The following EN2 variants were observed in gnomAD, a reference collection of about 807,000 sequenced individuals.
The protein encoded by EN2 is engrailed homeobox 2.
A neutral mutation model predicts 25.0 loss-of-function variants in EN2; 7 were observed. The observed-to-expected ratio is 0.28, with a 90% CI of 0.16 to 0.53. The LOEUF (loss-of-function observed/expected upper bound fraction) is 0.53, where lower values mean the gene tolerates loss of function less well. Ranked by LOEUF, EN2 falls within the 20% of genes least tolerant of loss-of-function variation. The pLI, the probability that EN2 is intolerant of heterozygous loss-of-function variation, is 0.96. For synonymous variants in EN2, 277 were observed against 243.3 expected, an observed-to-expected ratio of 1.14 and a Z score of -1.29; for missense variants, 524 against 501.8, an observed-to-expected ratio of 1.04 and a Z score of -0.42.
rs1795665338 is a variant in EN2, at chr7:155,459,074, G to A, written c.685+12G>A. On this transcript the variant is annotated intron_variant, in intron 1 of 1. Coordinates refer to ENST00000297375, the MANE Select transcript of EN2 (RefSeq NM_001427.4). ...CCGGCCTTCTTCAGGTGAGCCCGCG[G>A]GGACCACGCGTCCCGGCTCGCCGCG... 2 of 1,565,558 alleles carry A rather than the reference G, an allele frequency of 1.3e-6. No individual in the cohort carries two copies. Among genetic ancestry groups the A allele is most frequent in the African/African-American group, 1.4e-5 (1 of 71,724 alleles).
chr7:155,462,674 C>T lies in EN2; in HGVS notation c.989C>T (p.Ser330Leu), dbSNP rs367924841. Residue 330 changes from serine to leucine, a missense_variant, in exon 2 of 2, where the codon TCG becomes TTG. Physicochemically the swap from Ser to Leu is moderately radical, Grantham distance 145 (BLOSUM62 -2). Transcript: ENST00000297375. ...NHSTTAKEGK[S>L]DSE ...TCCACCACAGCCAAGGAGGGCAAGT[C>T]GGACAGCGAGTAGGGCGGGGGGCAT... 2.0e-5 allele frequency: 32 copies of T among 1,585,954 alleles called. No homozygotes were observed. The highest frequency in any genetic ancestry group is 1.9e-4 in the South Asian group (17 of 88,610).
At chr7:155,461,979 C>T (rs1795701329) in intron 1 of EN2, among the ~76,000 whole-genome samples, 1 of 152,224 alleles carries the variant, frequency 6.6e-6, no homozygotes, top group African/African-American at 2.4e-5. Context: ...GTCTTCTCTC[C>T]TCCCCTCTCT....
At position 155,458,525 on chromosome 7, in the gene EN2, C is replaced by G. The variant is rs377588499; in HGVS notation, c.148C>G (p.Leu50Val). 80 of 1,357,838 alleles carry G rather than the reference C, an allele frequency of 5.9e-5. No homozygotes were observed. In the African/African-American group the frequency reaches 1.2e-3, roughly 20 times the overall value. The allele number at this position is 1,357,838 out of a possible 1,614,324, so 84.1% of individuals were successfully genotyped here. The change falls in exon 1 of 2, where the codon CTG (leucine) becomes GTG (valine). Residue 50 changes from leucine (L) to valine (V), a missense_variant. By Grantham distance (32) the Leu-to-Val change is conservative. Transcript: ENST00000297375. ...CACCGGGCGCCGGCGGGCTCTGATG[C>G]TGCCCGCGGTCCTGCAGGCGCCCGG... ...ADTGRRRALM[L>V]PAVLQAPGNH...
rs773386776 is a variant in EN2 at position 155,458,496 on chromosome 7, C to A, written c.119C>A (p.Ala40Glu). 6 of 1,314,510 alleles carry A rather than the reference C, an allele frequency of 4.6e-6. No individual in the cohort carries two copies. Among genetic ancestry groups the A allele is most frequent in the African/African-American group, 3.1e-5 (2 of 64,650 alleles). 81.4% of individuals were successfully genotyped at this position (1,314,510 alleles called of 1,614,324 possible). A position where few individuals can be genotyped will look rare whatever the true frequency, so the allele number is the denominator to read the frequency against. The change falls in exon 1 of 2, where the codon GCG becomes GAG. Residue 40 changes from alanine (A) to glutamate (E), a missense_variant. Physicochemically the swap from Ala to Glu is moderately radical, Grantham distance 107. Coordinates refer to ENST00000297375, the MANE Select transcript of EN2 (RefSeq NM_001427.4). Reference sequence around the variant, plus strand: ...GGCGGCGGTAGCAGCCCGGGCGAAGCGGACACCGGGCGCCGGCGGGCTCTG... The same window carrying A: ...GGCGGCGGTAGCAGCCCGGGCGAAGAGGACACCGGGCGCCGGCGGGCTCTG... ...GGGGGSSPGEADTGRRRALML... is the reference protein window; with the variant it reads ...GGGGGSSPGEEDTGRRRALML...
Position 155,458,658 on chromosome 7 carries a change from G to T in EN2, c.281G>T (p.Gly94Val). 7.2e-7 allele frequency: 1 copy of T among 1,392,338 alleles called. No individual in the cohort carries two copies. The allele number at this position is 1,392,338 out of a possible 1,614,324, so 86.2% of individuals were successfully genotyped here. A position where few individuals can be genotyped will look rare whatever the true frequency, so the allele number is the denominator to read the frequency against. The stretch of plus-strand genomic sequence containing the variant: ...GGGACCTGCTGTGCGGGCGCGGGAG[G>T]AGGAAGGGGCGGCGGAGCCGGCGGC... ...DAGTCCAGAG[G>V]GRGGGAGGEG... Residue 94 changes from glycine (G) to valine (V), a missense_variant, in exon 1 of 2, where the codon GGA becomes GTA. By Grantham distance (109) the Gly-to-Val change is moderately radical. Transcript: ENST00000297375.
In EN2 at chr7:155,464,009, C is replaced by T. The variant is rs1206998129; in HGVS notation, c.*1322C>T. 7.6e-6 allele frequency: 1 copy of T among 132,386 alleles called. No individual in the cohort carries two copies. The highest frequency in any genetic ancestry group is 1.7e-5 in the Non-Finnish European group (1 of 57,444). The allele number at this position is 132,386 out of a possible 1,614,324, so 8.2% of individuals were successfully genotyped here. On this transcript the variant is annotated 3_prime_UTR_variant, in exon 2 of 2. Transcript: ENST00000297375. ...GCATGCATGTGAACACACACACACA[C>T]ACACACACACCAGGCGTGTTTGAGT...
Position 155,458,538 on chromosome 7 carries a change from T to C in EN2, c.161T>C (p.Leu54Pro). 1 of 1,405,366 alleles carries C rather than the reference T, an allele frequency of 7.1e-7. No homozygotes were observed. Among genetic ancestry groups the C allele is most frequent in the Non-Finnish European group, 9.3e-7 (1 of 1,074,772 alleles). The allele number at this position is 1,405,366 out of a possible 1,614,324, so 87.1% of individuals were successfully genotyped here. A position where few individuals can be genotyped will look rare whatever the true frequency, so the allele number is the denominator to read the frequency against. The change falls in exon 1 of 2, where the codon CTG becomes CCG. Residue 54 changes from leucine (L) to proline (P), a missense_variant. Physicochemically the swap from Leu to Pro is moderately conservative, Grantham distance 98 (BLOSUM62 -3). Coordinates refer to ENST00000297375, the MANE Select transcript of EN2 (RefSeq NM_001427.4). ...RRRALMLPAV[L>P]QAPGNHQHPH... ...CGGGCTCTGATGCTGCCCGCGGTCC[T>C]GCAGGCGCCCGGCAACCACCAGCAC...
chr7:155,462,306 C>T (rs566724574), intron 1 of EN2, 65 bp from the exon 2 acceptor site: 71 of 1,518,988 alleles, frequency 4.7e-5, no homozygotes, highest in Middle Eastern at 3.5e-4. Flanking sequence ...AATCCTTACC[C>T]GGTGCCTATT....
Position 155,458,904 on chromosome 7 carries a change from C to T in EN2, c.527C>T (p.Pro176Leu). The T allele has an allele frequency of 1.3e-6, 2 of 1,511,744 alleles. No individual in the cohort carries two copies. Among genetic ancestry groups the T allele is most frequent in the Non-Finnish European group, 1.8e-6 (2 of 1,137,600 alleles). The allele number at this position is 1,511,744 out of a possible 1,614,324, so 93.6% of individuals were successfully genotyped here. The change falls in exon 1 of 2, where the codon CCC becomes CTC. Residue 176 changes from proline to leucine, a missense_variant. Transcript: ENST00000297375. Reference protein sequence around the residue: ...GAKKGGDPGGPLDGSLKARGL... With the variant: ...GAKKGGDPGGLLDGSLKARGL... Reference sequence around the variant, plus strand: ...AAGAAAGGCGGCGACCCCGGCGGCCCCCTGGACGGGTCGCTCAAGGCCCGC... The same window carrying T: ...AAGAAAGGCGGCGACCCCGGCGGCCTCCTGGACGGGTCGCTCAAGGCCCGC...
In EN2 at chr7:155,462,832, A is replaced by C. The variant is rs1795712591; in HGVS notation, c.*145A>C. 9.7e-7 allele frequency: 1 copy of C among 1,032,342 alleles called. No homozygotes were observed. Among genetic ancestry groups the C allele is most frequent in the Admixed American group, 3.4e-5 (1 of 29,532 alleles). 63.9% of individuals were successfully genotyped at this position (1,032,342 alleles called of 1,614,324 possible). On this transcript the variant is annotated 3_prime_UTR_variant, in exon 2 of 2. Transcript: ENST00000297375. ...TAAGGTTCTGAAATATTCTATGTAT[A>C]TATCATTTACAGGTGGTATAAAATC...
At position 155,462,800 on chromosome 7, in the gene EN2, T is replaced by A; in HGVS notation, c.*113T>A. On this transcript the variant is annotated 3_prime_UTR_variant, in exon 2 of 2. Coordinates refer to ENST00000297375, the MANE Select transcript of EN2 (RefSeq NM_001427.4). The stretch of plus-strand genomic sequence containing the variant: ...CAGCATTAATAGTGAAAATATTGTG[T>A]ATTAGCTAAGGTTCTGAAATATTCT... 7.9e-7 allele frequency: 1 copy of A among 1,261,010 alleles called. No homozygotes were observed. Among genetic ancestry groups the A allele is most frequent in the South Asian group, 1.6e-5 (1 of 61,010 alleles). 78.1% of individuals were successfully genotyped at this position (1,261,010 alleles called of 1,614,324 possible).
intron 1 of EN2, among the ~76,000 whole-genome samples, chr7:155,462,146 C>T (rs545335113): frequency 6.6e-6 from 1 of 152,314 alleles, no homozygotes; most frequent in East Asian, 1.9e-4. Context: ...CTAGGCCTGC[C>T]CCATAGTCCC....
Position 155,462,410 on chromosome 7 carries a change from A to G in EN2, c.725A>G (p.Lys242Arg). 1 of 1,613,078 alleles carries G rather than the reference A, an allele frequency of 6.2e-7. No individual in the cohort carries two copies. Among genetic ancestry groups the G allele is most frequent in the Non-Finnish European group, 8.5e-7 (1 of 1,179,820 alleles). ...SRKPKKKNPN[K>R]EDKRPRTAFT... ...AAACCAAAGAAGAAGAACCCGAACA[A>G]AGAGGACAAGCGGCCGCGCACGGCC... is the stretch of plus-strand genomic sequence containing the variant. The change falls in exon 2 of 2, where the codon AAA becomes AGA. Residue 242 changes from lysine to arginine, a missense_variant. Transcript: ENST00000297375.
Position 155,459,170 on chromosome 7 carries a change from C to T in EN2, c.685+108C>T, listed in dbSNP as rs532331954. 4.2e-6 allele frequency: 5 copies of T among 1,185,352 alleles called. No individual in the cohort carries two copies. The South Asian group carries it at 6.4e-5, about 15-fold the overall frequency. 73.4% of individuals were successfully genotyped at this position (1,185,352 alleles called of 1,614,324 possible). On this transcript the variant is annotated intron_variant, in intron 1 of 1. Coordinates refer to ENST00000297375, the MANE Select transcript of EN2 (RefSeq NM_001427.4). ...CGGGAGGAAAACATCTCGAACCTCC[C>T]CCGCGCACACGCACAAAGACTCACG... is the stretch of plus-strand genomic sequence containing the variant.
Position 155,458,393 on chromosome 7 carries a change from C to A in EN2, c.16C>A (p.Pro6Thr), listed in dbSNP as rs1392188368. MEEND[P>T]KPGEAAAAVE... ...TGTGAACAGCATGGAGGAGAATGAC[C>A]CCAAGCCTGGCGAAGCAGCGGCGGC... Residue 6 changes from proline (P) to threonine (T), a missense_variant, in exon 1 of 2, where the codon CCC (proline) becomes ACC (threonine). Physicochemically the swap from Pro to Thr is conservative, Grantham distance 38. Coordinates refer to ENST00000297375, the MANE Select transcript of EN2 (RefSeq NM_001427.4). The A allele has an allele frequency of 1.5e-6, 2 of 1,320,242 alleles. No homozygotes were observed. The highest frequency in any genetic ancestry group is 1.5e-5 in the African/African-American group (1 of 65,428). 81.8% of individuals were successfully genotyped at this position (1,320,242 alleles called of 1,614,324 possible).
At position 155,463,437 on chromosome 7, in the gene EN2, T is replaced by C. The variant is rs10234087; in HGVS notation, c.*750T>C. ...CCTTTTTCCTCCTCTTCCTCCTTCC[T>C]CCTTCCTCCTGCTCCTCCTTTCTTC... On this transcript the variant is annotated 3_prime_UTR_variant, in exon 2 of 2. Coordinates refer to ENST00000297375, the MANE Select transcript of EN2 (RefSeq NM_001427.4). The C allele has an allele frequency of 0.14, 21,675 of 152,718 alleles. 1,831 individuals carry two copies. The highest frequency in any genetic ancestry group is 0.21 in the Middle Eastern group (77 of 370). 9.5% of individuals were successfully genotyped at this position (152,718 alleles called of 1,614,324 possible).
intron 1 of EN2, 64 bp downstream of exon 1, chr7:155,459,126 T>C (rs1795666385): frequency 6.8e-7 from 1 of 1,466,400 alleles, no homozygotes; most frequent in African/African-American, 1.5e-5. Context: ...TGGGGGGCGG[T>C]GCTGGCGCGG....
chr7:155,458,452 C>T lies in EN2; in HGVS notation c.75C>T (p.Pro25=), dbSNP rs532391062. 3.8e-5 allele frequency: 50 copies of T among 1,304,724 alleles called. 1 individual carries two copies. In the South Asian group the frequency reaches 1.1e-3, roughly 28 times the overall value. 80.8% of individuals were successfully genotyped at this position (1,304,724 alleles called of 1,614,324 possible). The stretch of plus-strand genomic sequence containing the variant: ...GACAGCGGCAGCCGGAATCCAGCCC[C>T]GGCGGCGGCTCGGGCGGCGGCGGCG... ...VEGQRQPESS[P]GGGSGGGGGS... Residue 25 remains proline, a synonymous_variant, in exon 1 of 2, where the codon CCC becomes CCT. Transcript: ENST00000297375.
chr7:155,462,747 A>T lies in EN2; in HGVS notation c.*60A>T. 6.8e-7 allele frequency: 1 copy of T among 1,478,110 alleles called. No individual in the cohort carries two copies. The highest frequency in any genetic ancestry group is 1.4e-5 in the African/African-American group (1 of 71,248). 91.6% of individuals were successfully genotyped at this position (1,478,110 alleles called of 1,614,324 possible). On this transcript the variant is annotated 3_prime_UTR_variant, in exon 2 of 2. Coordinates refer to ENST00000297375, the MANE Select transcript of EN2 (RefSeq NM_001427.4). ...CTAAACAATGCAATAATTTAAAATC[A>T]TAAAGGGCCAGTGTATAAAGATTAT...
Sources: gnomAD v4.1 joint callset for allele counts (sites outside exome capture counted in the v4.1 genomes callset) on GRCh38, gnomAD v4.1.1 for gene constraint, MANE v1.5 for transcripts, NCBI Gene and HGNC (gene_info 2026-07-23, HGNC 2026-07-21) for gene names.